The following CHSY1 variants were observed in gnomAD, a reference collection of about 807,000 sequenced individuals.
CHSY1 encodes chondroitin sulfate synthase 1.
CHSY1 carries 13 observed loss-of-function variants against 59.8 expected under a neutral mutation model. That is an observed-to-expected ratio of 0.22 (90% CI 0.14 to 0.35). The LOEUF (loss-of-function observed/expected upper bound fraction) is 0.35. Ranked by LOEUF, CHSY1 falls within the 10% of genes least tolerant of loss-of-function variation. The pLI, the probability that CHSY1 is intolerant of heterozygous loss-of-function variation, is 1.00. For missense variants in CHSY1, 947 were observed against 1,030.6 expected, an observed-to-expected ratio of 0.92 and a Z score of 1.11; for synonymous variants, 459 against 401.2, an observed-to-expected ratio of 1.14 and a Z score of -1.72.
chr15:101,216,839 T>C lies in CHSY1; in HGVS notation c.816+18243A>G, dbSNP rs554697625. Among the ~76,000 whole-genome samples, 197 of 152,324 alleles carry C rather than the reference T, an allele frequency of 1.3e-3. 1 individual carries two copies. Among genetic ancestry groups the C allele is most frequent in the African/African-American group, 4.5e-3 (187 of 41,578 alleles). ...ATAACACTGCATTTGTCAAAACCCA[T>C]GAACTTTACAAAGCACAAAGAGCTA... On this transcript the variant is annotated intron_variant, in intron 2 of 2. Coordinates refer to ENST00000254190, the MANE Select transcript of CHSY1 (RefSeq NM_014918.5).
rs1382670900 is a variant in CHSY1 at position 101,235,289 on chromosome 15, G to A, written c.609C>T (p.Thr203=). The change falls in exon 2 of 3, where the codon ACC becomes ACT. Residue 203 remains threonine (T), a synonymous_variant. Transcript: ENST00000254190. ...PLFLGQTGLG[T]TEEMGKLALE... ...GGGCCAGTTTTCCCATTTCTTCCGT[G>A]GTGCCCAGGCCTGTCTGCCCAAGAA... is the stretch of plus-strand genomic sequence containing the variant. 5.6e-6 allele frequency: 9 copies of A among 1,614,002 alleles called. No homozygotes were observed. The Admixed American group carries it at 8.3e-5, about 15-fold the overall frequency.
chr15:101,192,414 C>T (rs1230189318), intron 2 of CHSY1, among the ~76,000 whole-genome samples: 1 of 152,082 alleles, frequency 6.6e-6, no homozygotes, highest in Non-Finnish European at 1.5e-5. Flanking sequence ...AAAAGACATC[C>T]CCATCCCTAC....
Position 101,178,844 on chromosome 15 carries a change from T to G in CHSY1, c.953A>C (p.Tyr318Ser). 6.2e-7 allele frequency: 1 copy of G among 1,614,236 alleles called. No homozygotes were observed. The highest frequency in any genetic ancestry group is 8.5e-7 in the Non-Finnish European group (1 of 1,180,040). ...NPPYQYRLHS[Y>S]MLSRKISELR... The stretch of plus-strand genomic sequence containing the variant: ...CTCGGATATCTTGCGGCTCAGCATG[T>G]AGCTGTGGAGCCTGTACTGGTAGGG... Residue 318 changes from tyrosine to serine, a missense_variant, in exon 3 of 3, where the codon TAC (tyrosine) becomes TCC (serine). This residue lies in a region of CHSY1 where 602 missense variants were observed against 676.9 expected (regional missense o/e 0.89). Transcript: ENST00000254190.
At chr15:101,190,940 G>A (rs1452921119) in intron 2 of CHSY1, among the ~76,000 whole-genome samples, 1 of 151,384 alleles carries the variant, frequency 6.6e-6, no homozygotes, top group South Asian at 2.1e-4. Context: ...TGAGGACATG[G>A]AACAAGAGGG....
In CHSY1 at chr15:101,238,823, TCA is replaced by T. The variant is rs1202939183; in HGVS notation, c.321-3248_321-3247del. 2.0e-5 allele frequency among the ~76,000 whole-genome samples: 3 copies of T among 152,360 alleles called. No individual in the cohort carries two copies. The East Asian group carries it at 5.8e-4, about 29-fold the overall frequency. ...CTGTTCTAGGTACTGCACTTCATTT[TCA>T]CAAAGGATATGCTCCTGAAGAAAAA... On this transcript the variant is annotated intron_variant, in intron 1 of 2. Transcript: ENST00000254190.
intron 2 of CHSY1, among the ~76,000 whole-genome samples, chr15:101,222,078 T>G (rs147257754): frequency 2.3e-3 from 347 of 152,334 alleles, no homozygotes; most frequent in Non-Finnish European, 3.6e-3. Flanking sequence ...CACAGCACAT[T>G]ATAAGCTTGC....
At chr15:101,181,805 C>T (rs571965335) in intron 2 of CHSY1, among the ~76,000 whole-genome samples, 1 of 152,138 alleles carries the variant, frequency 6.6e-6, no homozygotes, top group South Asian at 2.1e-4. Flanking sequence ...GGAGTGCCGA[C>T]TCCTCATGCA....
chr15:101,177,919 C>T lies in CHSY1; in HGVS notation c.1878G>A (p.Leu626=), dbSNP rs778999254. 3 of 1,614,192 alleles carry T rather than the reference C, an allele frequency of 1.9e-6. No individual in the cohort carries two copies. In the South Asian group the frequency reaches 3.3e-5, roughly 18 times the overall value. ...CGAGGTCGACGTCGCAGAAGAAGAG[C>T]AAAGATTCATTGTTAAACTGGGAGG... ...VGSSQFNNES[L]LFFCDVDLVF... is the part of the protein sequence containing the mutation. The change falls in exon 3 of 3, where the codon TTG becomes TTA. Residue 626 remains leucine (L), a synonymous_variant. Transcript: ENST00000254190.
chr15:101,243,647 G>A (rs1433786653), intron 1 of CHSY1, among the ~76,000 whole-genome samples: 1 of 152,180 alleles, frequency 6.6e-6, no homozygotes, highest in East Asian at 1.9e-4. Context: ...CGTGGATAAG[G>A]AGACCAGCCT....
chr15:101,229,386 A>T (rs2038871230), intron 2 of CHSY1, among the ~76,000 whole-genome samples: 1 of 152,244 alleles, frequency 6.6e-6, no homozygotes, highest in African/African-American at 2.4e-5. Context: ...ATACCATGCA[A>T]ATGGTAACCA....
At chr15:101,180,074 G>A in intron 2 of CHSY1, among the ~76,000 whole-genome samples, 1 of 152,300 alleles carries the variant, frequency 6.6e-6, no homozygotes, top group Non-Finnish European at 1.5e-5. Flanking sequence ...CACGCATTCT[G>A]GCTGACTGGT....
At chr15:101,205,911 C>T (rs1472352496) in intron 2 of CHSY1, among the ~76,000 whole-genome samples, 2 of 151,316 alleles carry the variant, frequency 1.3e-5, no homozygotes, top group African/African-American at 2.4e-5. Flanking sequence ...GAGATAGCGC[C>T]ACTACACTCC....
chr15:101,227,979 T>C (rs1257440585), intron 2 of CHSY1, among the ~76,000 whole-genome samples: 1 of 151,322 alleles, frequency 6.6e-6, no homozygotes, highest in African/African-American at 2.4e-5. Context: ...AGTAAGTAAA[T>C]GTCTAGTTTC....
At chr15:101,246,381 T>C (rs2039052278) in intron 1 of CHSY1, among the ~76,000 whole-genome samples, 1 of 148,122 alleles carries the variant, frequency 6.8e-6, no homozygotes, top group Admixed American at 6.7e-5. Flanking sequence ...AATCAAAACG[T>C]TGATTAAAAA....
intron 1 of CHSY1, among the ~76,000 whole-genome samples, chr15:101,238,100 C>T (rs868674266): frequency 6.6e-6 from 1 of 152,030 alleles, no homozygotes; most frequent in Non-Finnish European, 1.5e-5. Flanking sequence ...TTCTATGCAT[C>T]TCTATATTGA....
At chr15:101,246,296 G>A (rs2039050509) in intron 1 of CHSY1, among the ~76,000 whole-genome samples, 1 of 150,512 alleles carries the variant, frequency 6.6e-6, no homozygotes, top group South Asian at 2.1e-4. Flanking sequence ...CAAACAAAAG[G>A]TGTTGGATTA....
intron 1 of CHSY1, among the ~76,000 whole-genome samples, chr15:101,240,165 T>C (rs1041822727): frequency 6.6e-6 from 1 of 152,180 alleles, no homozygotes; most frequent in Non-Finnish European, 1.5e-5. Context: ...TGTCAAGTCT[T>C]TGTAAACCCT....
intron 1 of CHSY1, among the ~76,000 whole-genome samples, chr15:101,239,796 C>T (rs138218971): frequency 9.8e-4 from 146 of 149,470 alleles, no homozygotes; most frequent in African/African-American, 3.6e-3. Context: ...GGCCTAACTG[C>T]AAATTTCACG....
At chr15:101,205,890 T>G (rs959144810) in intron 2 of CHSY1, among the ~76,000 whole-genome samples, 1 of 151,554 alleles carries the variant, frequency 6.6e-6, no homozygotes, top group South Asian at 2.1e-4. Context: ...AGGCGGAGCT[T>G]GCAGTGAGCC....
Sources: gnomAD v4.1 joint callset for allele counts (sites outside exome capture counted in the v4.1 genomes callset) on GRCh38, gnomAD v4.1.1 for gene constraint, gnomAD v4.1.1 regional missense constraint, MANE v1.5 for transcripts, NCBI Gene and HGNC (gene_info 2026-07-23, HGNC 2026-07-21) for gene names.